The following AGTRAP variants were observed in gnomAD, a reference collection of about 807,000 sequenced individuals.
AGTRAP encodes type-1 angiotensin II receptor-associated protein.
In AGTRAP, 7 loss-of-function variants were observed where a neutral mutation model predicts 15.2. The observed-to-expected ratio is 0.46, with a 90% CI of 0.26 to 0.87. The LOEUF is 0.87. Ranked by LOEUF, AGTRAP falls within the 40% of genes least tolerant of loss-of-function variation. The pLI, the probability that AGTRAP is intolerant of heterozygous loss-of-function variation, is 0.15. For missense variants in AGTRAP, 187 were observed against 213.4 expected (o/e 0.88, Z 0.77); for synonymous variants, 74 against 89.6 (o/e 0.83, Z 0.98).
rs920545619 is a variant in AGTRAP at position 11,747,332 on chromosome 1, C to G, written c.63-108C>G. ...TTGCTGGCACACAGCCGGGTGGCCT[C>G]GAAGACTATGGCATGTTCTGGGAGG... On this transcript the variant is annotated intron_variant, in intron 2 of 4. Transcript: ENST00000314340. 63 of 1,028,452 alleles carry G rather than the reference C, an allele frequency of 6.1e-5. No homozygotes were observed. The South Asian group carries it at 8.3e-4, about 14-fold the overall frequency. The allele number at this position is 1,028,452 out of a possible 1,614,324, so 63.7% of individuals were successfully genotyped here.
chr1:11,741,813 G>A (rs547194882), intron 1 of AGTRAP, among the ~76,000 whole-genome samples: 1 of 152,366 alleles, frequency 6.6e-6, no homozygotes, highest in African/African-American at 2.4e-5. Context: ...AATAGTAGAC[G>A]AAGGTAGGTG....
At chr1:11,744,997 G>A (rs1258223527) in intron 1 of AGTRAP, among the ~76,000 whole-genome samples, 1 of 151,692 alleles carries the variant, frequency 6.6e-6, no homozygotes, top group Non-Finnish European at 1.5e-5. Flanking sequence ...TGGGATTACA[G>A]GCACACACCA....
intron 1 of AGTRAP, among the ~76,000 whole-genome samples, chr1:11,738,916 C>T (rs1641961896): frequency 6.6e-6 from 1 of 152,182 alleles, no homozygotes; most frequent in Admixed American, 6.5e-5. Context: ...AAGTCCTACC[C>T]CGCCATGGGT....
In AGTRAP at chr1:11,750,162, G is replaced by A. The variant is rs765257979; in HGVS notation, c.450G>A (p.Glu150=). 6.8e-6 allele frequency: 11 copies of A among 1,613,920 alleles called. No homozygotes were observed. The highest frequency in any genetic ancestry group is 1.7e-5 in the Admixed American group (1 of 60,030). The change falls in exon 5 of 5, where the codon GAG becomes GAA. Residue 150 remains glutamate (E), a synonymous_variant. Coordinates refer to ENST00000314340, the MANE Select transcript of AGTRAP (RefSeq NM_020350.5). ...EAPADPFAVP[E]GRSQDARGY is the part of the protein sequence containing the mutation. ...CCGCAGATCCCTTTGCAGTCCCAGAGGGCAGGAGTCAAGATGCCCGAGGGT... is the reference window on the plus strand; with the variant it reads ...CCGCAGATCCCTTTGCAGTCCCAGAAGGCAGGAGTCAAGATGCCCGAGGGT...
intron 2 of AGTRAP, chr1:11,746,343 G>A: frequency 3.4e-6 from 3 of 892,926 alleles, no homozygotes; most frequent in Non-Finnish European, 5.1e-6. Flanking sequence ...TGGGACCCAG[G>A]CACCTGCTTT....
chr1:11,748,586 G>C lies in AGTRAP; in HGVS notation c.340G>C (p.Gly114Arg). ...CFVYHMYRER[G>R]GELLVHTGFL... Reference sequence around the variant, plus strand: ...CGTCTACCACATGTACCGGGAGCGCGGGGGTGAGCTCCTGGTCCACACTGG... The same window carrying C: ...CGTCTACCACATGTACCGGGAGCGCCGGGGTGAGCTCCTGGTCCACACTGG... The change falls in exon 4 of 5, where the codon GGG becomes CGG. Residue 114 changes from glycine to arginine, a missense_variant. Physicochemically the swap from Gly to Arg is moderately radical, Grantham distance 125 (BLOSUM62 -2). Transcript: ENST00000314340. The C allele has an allele frequency of 6.2e-7, 1 of 1,608,906 alleles. No individual in the cohort carries two copies. The highest frequency in any genetic ancestry group is 8.5e-7 in the Non-Finnish European group (1 of 1,179,954).
intron 1 of AGTRAP, among the ~76,000 whole-genome samples, chr1:11,743,728 G>A (rs1010908577): frequency 2.6e-5 from 4 of 151,758 alleles, no homozygotes; most frequent in African/African-American, 4.8e-5. Context: ...CACCATGCCC[G>A]GCTAATTTTG....
rs535465081 is a variant in AGTRAP at position 11,739,944 on chromosome 1, A to G, written c.27+3709A>G. ...GGCCTTGGCGCCTGGACCAGCACCC[A>G]GGTTTCCTGTTCCAGCATAGCATCC... On this transcript the variant is annotated intron_variant, in intron 1 of 4. Transcript: ENST00000314340. Among the ~76,000 whole-genome samples the G allele has an allele frequency of 4.3e-4, 65 of 152,352 alleles. 3 individuals carry two copies. The South Asian group carries it at 0.012, about 29-fold the overall frequency.
chr1:11,741,209 A>G (rs949534932), intron 1 of AGTRAP, among the ~76,000 whole-genome samples: 9 of 148,548 alleles, frequency 6.1e-5, no homozygotes, highest in African/African-American at 2.3e-4. Context: ...CTTCCCCCTC[A>G]GCCTCCCCCA....
chr1:11,743,332 G>C (rs1359797642), intron 1 of AGTRAP, among the ~76,000 whole-genome samples: 2 of 151,322 alleles, frequency 1.3e-5, no homozygotes, highest in Non-Finnish European at 2.9e-5. Context: ...TGCAACCTCT[G>C]CCTCCCAGGT....
chr1:11,745,283 T>C lies in AGTRAP; in HGVS notation c.28-520T>C, dbSNP rs964127287. Among the ~76,000 whole-genome samples the C allele has an allele frequency of 4.6e-5, 7 of 152,230 alleles. No individual in the cohort carries two copies. The highest frequency in any genetic ancestry group is 1.7e-4 in the African/African-American group (7 of 41,460). On this transcript the variant is annotated intron_variant, in intron 1 of 4. Transcript: ENST00000314340. The surrounding 1 kb of genome is among the most constrained non-coding windows in gnomAD (Gnocchi z 4.2). ...CCATGGCATTTGTAAACTGTCATAG[T>C]GCTGGTGGGAGTGTAGCAGTGAGGA...
chr1:11,736,277 G>A, intron 1 of AGTRAP, 42 bp downstream of exon 1: 2 of 1,595,810 alleles, frequency 1.3e-6, no homozygotes, highest in Non-Finnish European at 1.7e-6. Context: ...GCGGGAGGAA[G>A]TGGGACATTT....
intron 1 of AGTRAP, chr1:11,744,555 G>A: frequency 1.4e-6 from 1 of 716,676 alleles, no homozygotes; most frequent in Non-Finnish European, 2.6e-6. Flanking sequence ...AGTGTCCCAA[G>A]AAATCACCCT....
chr1:11,736,140 T>C lies in AGTRAP; in HGVS notation c.-69T>C. ...CGGGGCGGGGCGGGGCCGGGCAAGTTTGTTCCCCGAGTTCGGAGCCTAGGA... is the reference window on the plus strand; with the variant it reads ...CGGGGCGGGGCGGGGCCGGGCAAGTCTGTTCCCCGAGTTCGGAGCCTAGGA... On this transcript the variant is annotated 5_prime_UTR_variant, in exon 1 of 5. Transcript: ENST00000314340. 3.2e-6 allele frequency: 5 copies of C among 1,559,298 alleles called. No individual in the cohort carries two copies. The highest frequency in any genetic ancestry group is 3.5e-6 in the Non-Finnish European group (4 of 1,150,962).
intron 1 of AGTRAP, among the ~76,000 whole-genome samples, chr1:11,736,985 G>C (rs1287214784): frequency 6.6e-6 from 1 of 152,200 alleles, no homozygotes; most frequent in Non-Finnish European, 1.5e-5. Flanking sequence ...GGTCAGGAAG[G>C]TGTGGACCTT....
rs530604897 is a variant in AGTRAP, at chr1:11,745,930, G to T, written c.62+93G>T. 9 of 1,540,332 alleles carry T rather than the reference G, an allele frequency of 5.8e-6. No individual in the cohort carries two copies. The highest frequency in any genetic ancestry group is 7.2e-6 in the Non-Finnish European group (8 of 1,113,652). On this transcript the variant is annotated intron_variant, in intron 2 of 4. Transcript: ENST00000314340. The surrounding 1 kb of genome is among the most constrained non-coding windows in gnomAD (Gnocchi z 4.2). Reference sequence around the variant, plus strand: ...CCTGGTTCTGCCGTGTTTTAACCAGGTCACTTTGGGCCAGACAGCTCTGCC... The same window carrying T: ...CCTGGTTCTGCCGTGTTTTAACCAGTTCACTTTGGGCCAGACAGCTCTGCC...
At position 11,747,507 on chromosome 1, in the gene AGTRAP, G is replaced by T; in HGVS notation, c.130G>T (p.Ala44Ser). The T allele has an allele frequency of 6.2e-7, 1 of 1,614,118 alleles. No homozygotes were observed. The highest frequency in any genetic ancestry group is 1.1e-5 in the South Asian group (1 of 91,086). Residue 44 changes from alanine to serine, a missense_variant, in exon 3 of 5, where the codon GCT becomes TCT. Physicochemically the swap from Ala to Ser is moderately conservative, Grantham distance 99. Coordinates refer to ENST00000314340, the MANE Select transcript of AGTRAP (RefSeq NM_020350.5). ...CACCATCCTGGCCTTGGGCGTGTGGGCTGTGGCTCAGCGGGACTCCATCGA... is the reference window on the plus strand; with the variant it reads ...CACCATCCTGGCCTTGGGCGTGTGGTCTGTGGCTCAGCGGGACTCCATCGA... ...NFTILALGVW[A>S]VAQRDSIDAI...
At chr1:11,747,796 G>T (rs1391945626) in intron 3 of AGTRAP, among the ~76,000 whole-genome samples, 1 of 152,256 alleles carries the variant, frequency 6.6e-6, no homozygotes, top group African/African-American at 2.4e-5. Flanking sequence ...GGAAAGCCAT[G>T]GGGTGGGTCC....
chr1:11,750,067 T>C lies in AGTRAP; in HGVS notation c.365-10T>C, dbSNP rs773375840. Reference sequence around the variant, plus strand: ...CATTTTTCTTTCCCACCATGTCCCCTGTCACCTAGGTTTCCTTGGGTCTTC... The same window carrying C: ...CATTTTTCTTTCCCACCATGTCCCCCGTCACCTAGGTTTCCTTGGGTCTTC... On this transcript the variant is annotated splice_polypyrimidine_tract_variant and intron_variant, in intron 4 of 4. Transcript: ENST00000314340. The C allele has an allele frequency of 6.2e-7, 1 of 1,609,112 alleles. No homozygotes were observed. The highest frequency in any genetic ancestry group is 8.5e-7 in the Non-Finnish European group (1 of 1,175,754).
Sources: allele counts gnomAD v4.1 joint callset (sites outside exome capture counted in the v4.1 genomes callset), GRCh38; gene constraint gnomAD v4.1.1; non-coding constraint Gnocchi (gnomAD v3.1); transcripts MANE v1.5; gene names NCBI Gene and HGNC (gene_info 2026-07-23, HGNC 2026-07-21).